PTPRT: variants seen among roughly 807,000 people sequenced by gnomAD.
PTPRT encodes the protein protein tyrosine phosphatase receptor type T.
A neutral mutation model predicts 176.8 loss-of-function variants in PTPRT; 56 were observed. That is an observed-to-expected ratio of 0.32 (90% CI 0.26 to 0.40). PTPRT has a LOEUF of 0.40. Among genes scored for constraint, PTPRT ranks in the 10% least tolerant of loss-of-function variants. The probability of loss-of-function intolerance (pLI) is 1.00; values close to 1 mark genes in which losing one functional copy is unlikely to be tolerated. For synonymous variants in PTPRT, 783 were observed against 739.0 expected, an observed-to-expected ratio of 1.06 and a Z score of -0.96; for missense variants, 1,540 against 1,908.2, an observed-to-expected ratio of 0.81 and a Z score of 3.60.
At chr20:42,557,614 A>T (rs770420152) in intron 7 of PTPRT, among the ~76,000 whole-genome samples, 15 of 152,196 alleles carry the variant, frequency 9.9e-5, no homozygotes, top group Non-Finnish European at 7.4e-5. Flanking sequence ...GTAGAAGAGC[A>T]AATGGATCCA....
intron 27 of PTPRT, among the ~76,000 whole-genome samples, chr20:42,086,451 T>G (rs1358186783): frequency 6.6e-6 from 1 of 152,056 alleles, no homozygotes; most frequent in Non-Finnish European, 1.5e-5. Context: ...CTGAGTTTCC[T>G]CATCTGTAAA....
At chr20:42,629,644 T>G (rs2074366712) in intron 7 of PTPRT, among the ~76,000 whole-genome samples, 1 of 152,186 alleles carries the variant, frequency 6.6e-6, no homozygotes, top group Non-Finnish European at 1.5e-5. Context: ...TGTCCTAAGA[T>G]GGTCTGCTTG....
At chr20:42,848,914 C>T (rs769760244) in intron 2 of PTPRT, among the ~76,000 whole-genome samples, 23 of 152,036 alleles carry the variant, frequency 1.5e-4, no homozygotes, top group Non-Finnish European at 2.8e-4. Flanking sequence ...GGGTTTTTTC[C>T]GATGTTATCT....
rs80204424 is a variant in PTPRT, at chr20:42,714,886, G to T, written c.860-36727C>A. On this transcript the variant is annotated intron_variant, in intron 6 of 30. Transcript: ENST00000373187. The stretch of plus-strand genomic sequence containing the variant: ...CCTGTTAGAATTTGGATATTGGCTG[G>T]CCTGCATATTTGCAAGGTAAAACTC... 5.4e-3 allele frequency among the ~76,000 whole-genome samples: 815 copies of T among 152,244 alleles called. 11 individuals are homozygous for T. The highest frequency in any genetic ancestry group is 0.019 in the African/African-American group (786 of 41,536).
chr20:42,130,851 A>G (rs773685496), intron 18 of PTPRT, among the ~76,000 whole-genome samples: 2 of 152,050 alleles, frequency 1.3e-5, no homozygotes, highest in Non-Finnish European at 2.9e-5. Flanking sequence ...TTTGAAGTTA[A>G]CCTTTATTGG....
At chr20:43,154,606 G>A (rs934995758) in intron 1 of PTPRT, among the ~76,000 whole-genome samples, 9 of 152,000 alleles carry the variant, frequency 5.9e-5, no homozygotes, top group Non-Finnish European at 1.3e-4. Context: ...AGATTGCTTT[G>A]GGTAGTATAA....
At chr20:42,718,733 G>A (rs2076263381) in intron 6 of PTPRT, among the ~76,000 whole-genome samples, 2 of 152,128 alleles carry the variant, frequency 1.3e-5, no homozygotes, top group Admixed American at 1.3e-4. Context: ...GTGAGACCGA[G>A]GAGGGCTTCT....
intron 12 of PTPRT, among the ~76,000 whole-genome samples, chr20:42,284,418 T>C (rs1002544086): frequency 6.6e-6 from 1 of 152,080 alleles, no homozygotes; most frequent in African/African-American, 2.4e-5. Context: ...CTGATCCAAG[T>C]ACTACAGGCC....
chr20:42,620,589 C>T lies in PTPRT; in HGVS notation c.1153+57277G>A, dbSNP rs533846164. On this transcript the variant is annotated intron_variant, in intron 7 of 30. Coordinates refer to ENST00000373187, the MANE Select transcript of PTPRT (RefSeq NM_007050.6). ...CTCAGACTGCTGTGCTAGCAGTCAGCGAGATTCCGTGGGCGTAGGACCCTC... is the reference window on the plus strand; with the variant it reads ...CTCAGACTGCTGTGCTAGCAGTCAGTGAGATTCCGTGGGCGTAGGACCCTC... 1.7e-3 allele frequency among the ~76,000 whole-genome samples: 257 copies of T among 152,078 alleles called. 2 individuals carry two copies. The highest frequency in any genetic ancestry group is 5.9e-3 in the African/African-American group (246 of 41,420).
chr20:42,653,093 G>A (rs917231664), intron 7 of PTPRT, among the ~76,000 whole-genome samples: 4 of 152,154 alleles, frequency 2.6e-5, no homozygotes, highest in Non-Finnish European at 4.4e-5. Context: ...CATGTCGTGG[G>A]AGGGACCCAG....
the PTPRT span, among the ~76,000 whole-genome samples, chr20:42,045,611 G>T: frequency 6.6e-6 from 1 of 151,960 alleles, no homozygotes; most frequent in Non-Finnish European, 1.5e-5. Context: ...AGTATTGCCA[G>T]TGTGGTAAAA....
chr20:42,483,306 C>G (rs769998905), intron 7 of PTPRT, among the ~76,000 whole-genome samples: 5 of 152,146 alleles, frequency 3.3e-5, no homozygotes, highest in African/African-American at 4.8e-5. Context: ...GCTGGGATTA[C>G]AGGCATGCCA....
intron 7 of PTPRT, among the ~76,000 whole-genome samples, chr20:42,666,090 A>T (rs1009005213): frequency 6.6e-6 from 1 of 152,208 alleles, no homozygotes; most frequent in East Asian, 1.9e-4. Flanking sequence ...CTTAAAGTAT[A>T]ATAAAAAAAT....
chr20:42,757,056 A>AC, intron 5 of PTPRT, among the ~76,000 whole-genome samples: 1 of 94,908 alleles, frequency 1.1e-5, no homozygotes, highest in East Asian at 2.0e-4. Flanking sequence ...CCTCTTTAAA[A>AC]AAAAAAAAAA....
intron 1 of PTPRT, among the ~76,000 whole-genome samples, chr20:42,927,583 A>G (rs1261834729): frequency 3.3e-5 from 5 of 152,020 alleles, no homozygotes; most frequent in African/African-American, 4.8e-5. Context: ...GAAAAGCAAG[A>G]AAGAAAAGAA....
chr20:42,414,693 G>A (rs2059048941), intron 9 of PTPRT, among the ~76,000 whole-genome samples: 1 of 152,154 alleles, frequency 6.6e-6, no homozygotes, highest in Non-Finnish European at 1.5e-5. Context: ...CTAGGAGCAA[G>A]TGAAACTAGA....
chr20:42,559,676 GGGA>G (rs1447244635), intron 7 of PTPRT, among the ~76,000 whole-genome samples: 4 of 152,122 alleles, frequency 2.6e-5, no homozygotes, highest in African/African-American at 9.7e-5. Context: ...GCTCTGAGAA[GGGA>G]GAACAACTTG....
At chr20:42,478,211 G>C (rs546015492) in intron 7 of PTPRT, among the ~76,000 whole-genome samples, 4 of 152,170 alleles carry the variant, frequency 2.6e-5, no homozygotes, top group African/African-American at 7.2e-5. Context: ...TTGGGTGAAA[G>C]GAGAAGGGGG....
intron 17 of PTPRT, among the ~76,000 whole-genome samples, chr20:42,154,772 A>G (rs6030012): frequency 0.31 from 47,054 of 151,816 alleles, 8,429 homozygotes; most frequent in African/African-American, 0.5. Context: ...GACACAGATA[A>G]CTCGGCTCTC....
Sources: gnomAD v4.1 joint callset for allele counts (sites outside exome capture counted in the v4.1 genomes callset) on GRCh38, gnomAD v4.1.1 for gene constraint, MANE v1.5 for transcripts, NCBI Gene and HGNC (gene_info 2026-07-23, HGNC 2026-07-21) for gene names.